The following CYP46A1 variants were observed in gnomAD, a reference collection of about 807,000 sequenced individuals.
The protein encoded by CYP46A1 is cytochrome P450 family 46 subfamily A member 1.
In CYP46A1, 20 loss-of-function variants were observed where a neutral mutation model predicts 63.3. That is an observed-to-expected ratio of 0.32 (90% CI 0.22 to 0.46). CYP46A1 has a LOEUF of 0.46. Ranked by LOEUF, CYP46A1 falls within the 20% of genes least tolerant of loss-of-function variation. CYP46A1 has a pLI of 1.00. For missense variants in CYP46A1, 445 were observed against 670.8 expected, an observed-to-expected ratio of 0.66 and a Z score of 3.72; for synonymous variants, 268 against 273.6, an observed-to-expected ratio of 0.98 and a Z score of 0.20.
At chr14:99,703,933 TA>T (rs1298453636) in intron 5 of CYP46A1, 1 of 964,854 alleles carries the variant, frequency 1.0e-6, no homozygotes, top group African/African-American at 1.8e-5. Context: ...AAGAAATACT[TA>T]TTGTGCCAAG....
chr14:99,701,064 GATA>G (rs1416461260), intron 5 of CYP46A1, among the ~76,000 whole-genome samples: 2 of 152,134 alleles, frequency 1.3e-5, no homozygotes, highest in South Asian at 2.1e-4. Context: ...ATACAAATAA[GATA>G]ATATTTTTGT....
At position 99,715,834 on chromosome 14, in the gene CYP46A1, C is replaced by T; in HGVS notation, c.718C>T (p.Leu240Phe). Residue 240 changes from leucine (L) to phenylalanine (F), a missense_variant, in exon 8 of 15, where the codon CTC becomes TTC. Around this residue, in one of 4 missense-constraint regions of CYP46A1, gnomAD observed 252 missense variants for 383.3 expected, o/e 0.66. Transcript: ENST00000261835. ...GTTCCTGCCAGGGAAGAGGAAGCAGCTCCGGGAGGTCCGGGAGAGCATTCG... is the reference window on the plus strand; with the variant it reads ...GTTCCTGCCAGGGAAGAGGAAGCAGTTCCGGGAGGTCCGGGAGAGCATTCG... ...AKFLPGKRKQ[L>F]REVRESIRFL... 1 of 1,614,134 alleles carries T rather than the reference C, an allele frequency of 6.2e-7. No homozygotes were observed. Among genetic ancestry groups the T allele is most frequent in the Non-Finnish European group, 8.5e-7 (1 of 1,179,998 alleles).
chr14:99,721,872 CA>C (rs1566836554), intron 11 of CYP46A1, 83 bp from the exon 12 acceptor site: 1 of 1,127,490 alleles, frequency 8.9e-7, no homozygotes, highest in Non-Finnish European at 1.3e-6. Context: ...GTGGGAAAGA[CA>C]GGGGTCCCAG....
intron 7 of CYP46A1, chr14:99,712,416 C>G (rs192188745): frequency 6.6e-6 from 1 of 152,198 alleles, no homozygotes; most frequent in African/African-American, 2.4e-5. Context: ...CCAAAAAACT[C>G]TTAGAACTGA....
intron 2 of CYP46A1, 145 bp downstream of exon 2, chr14:99,691,306 G>A: frequency 1.3e-6 from 1 of 762,052 alleles, no homozygotes; most frequent in Admixed American, 2.2e-5. Context: ...CCTGAGTGGA[G>A]GCAGGTGAGG....
chr14:99,699,429 G>A, intron 3 of CYP46A1, 37 bp from the exon 4 acceptor site: 2 of 1,583,754 alleles, frequency 1.3e-6, no homozygotes, highest in Non-Finnish European at 1.7e-6. Context: ...CTACTCATGG[G>A]TGCATGAGCC....
rs762579312 is a variant in CYP46A1 at position 99,726,208 on chromosome 14, C to A, written c.1284C>A (p.Phe428Leu). The A allele has an allele frequency of 6.2e-7, 1 of 1,613,944 alleles. No individual in the cohort carries two copies. The highest frequency in any genetic ancestry group is 1.1e-5 in the South Asian group (1 of 91,066). The change falls in exon 14 of 15, where the codon TTC becomes TTA. Residue 428 changes from phenylalanine to leucine, a missense_variant. Coordinates refer to ENST00000261835, the MANE Select transcript of CYP46A1 (RefSeq NM_006668.2). ...PGAPKPRFTY[F>L]PFSLGHRSCI... ...CCTGCAGGCCACGGTTCACCTACTT[C>A]CCCTTCTCCCTGGGCCACCGCTCCT...
rs1275661114 is a variant in CYP46A1, at chr14:99,684,323, GCGGCGCGCGGCGCTGACAGCTGAGT to G, written c.-90_-66del. ...GGGTCGCGCCTGGCCTGGGGCCGAG[GCGGCGCGCGGCGCTGACAGCTGAGT>G]CGGCTCGCGGCCTCCCGGCCCCCTC... On this transcript the variant is annotated 5_prime_UTR_variant, in exon 1 of 15. Coordinates refer to ENST00000261835, the MANE Select transcript of CYP46A1 (RefSeq NM_006668.2). The G allele has an allele frequency of 2.8e-5, 19 of 675,586 alleles. No homozygotes were observed. The highest frequency in any genetic ancestry group is 9.1e-5 in the East Asian group (2 of 21,862). The allele number at this position is 675,586 out of a possible 1,614,324, so 41.8% of individuals were successfully genotyped here. A position where few individuals can be genotyped will look rare whatever the true frequency, so the allele number is the denominator to read the frequency against.
intron 12 of CYP46A1, chr14:99,723,014 T>A: frequency 7.4e-6 from 3 of 407,572 alleles, no homozygotes; most frequent in South Asian, 5.1e-5. Context: ...CCAACTTGGA[T>A]GCCCAGTAGT....
chr14:99,690,245 A>G (rs1416081942), intron 1 of CYP46A1, among the ~76,000 whole-genome samples: 1 of 152,240 alleles, frequency 6.6e-6, no homozygotes, highest in Admixed American at 6.5e-5. Flanking sequence ...CTTGAGCAGT[A>G]GGACATAAAT....
intron 12 of CYP46A1, among the ~76,000 whole-genome samples, chr14:99,724,659 C>G (rs1267791740): frequency 6.6e-6 from 1 of 152,322 alleles, no homozygotes; most frequent in Non-Finnish European, 1.5e-5. Flanking sequence ...TGACGTACAT[C>G]ATGTGTCTGG....
At position 99,718,144 on chromosome 14, in the gene CYP46A1, G is replaced by C; in HGVS notation, c.980+18G>C. 6.2e-7 allele frequency: 1 copy of C among 1,611,584 alleles called. No homozygotes were observed. Among genetic ancestry groups the C allele is most frequent in the Non-Finnish European group, 8.5e-7 (1 of 1,177,968 alleles). On this transcript the variant is annotated intron_variant, in intron 10 of 14. Coordinates refer to ENST00000261835, the MANE Select transcript of CYP46A1 (RefSeq NM_006668.2). The stretch of plus-strand genomic sequence containing the variant: ...GTGGCAAGGTATGGGGGCTGCTCTT[G>C]GGGCTGGCAAAGAGGTCTGTCTGAT...
intron 3 of CYP46A1, among the ~76,000 whole-genome samples, chr14:99,697,240 A>G (rs542100421): frequency 2.4e-4 from 37 of 152,310 alleles, no homozygotes; most frequent in African/African-American, 8.7e-4. Context: ...CTTTCCATGC[A>G]TAGCTTCTCC....
chr14:99,698,638 CTT>C lies in CYP46A1; in HGVS notation c.283-827_283-826del, dbSNP rs111605670. ...ACAACAAACTTGCCAGGCAGGAACT[CTT>C]ATATCCATCTAAGATGAGGAAACTG... On this transcript the variant is annotated intron_variant, in intron 3 of 14. Transcript: ENST00000261835. Among the ~76,000 whole-genome samples the C allele has an allele frequency of 6.7e-3, 1,015 of 152,258 alleles. 10 individuals are homozygous for C. The highest frequency in any genetic ancestry group is 0.023 in the African/African-American group (952 of 41,532).
Position 99,706,772 on chromosome 14 carries a change from A to G in CYP46A1, c.569A>G (p.Asp190Gly). 1 of 1,612,918 alleles carries G rather than the reference A, an allele frequency of 6.2e-7. No homozygotes were observed. The highest frequency in any genetic ancestry group is 2.2e-5 in the East Asian group (1 of 44,878). The change falls in exon 6 of 15, where the codon GAC becomes GGC. Residue 190 changes from aspartate to glycine, a missense_variant. This residue lies in a region of CYP46A1 where 252 missense variants were observed against 383.3 expected (regional missense o/e 0.66). Coordinates refer to ENST00000261835, the MANE Select transcript of CYP46A1 (RefSeq NM_006668.2). The stretch of plus-strand genomic sequence containing the variant: ...GACATGCTGACCTACACCGCCATGG[A>G]CATCCTGGCCAAGGTGATGGGTGAC... ...MQDMLTYTAM[D>G]ILAKAAFGME...
chr14:99,714,803 A>G (rs2140133490), intron 7 of CYP46A1, among the ~76,000 whole-genome samples: 1 of 152,148 alleles, frequency 6.6e-6, no homozygotes. Flanking sequence ...GTATATACAC[A>G]TGGAATGCTA....
intron 3 of CYP46A1, among the ~76,000 whole-genome samples, chr14:99,698,684 T>C (rs142945847): frequency 6.6e-6 from 1 of 152,262 alleles, no homozygotes; most frequent in East Asian, 1.9e-4. Flanking sequence ...AGGAGGTGAG[T>C]AACTCATCCA....
At chr14:99,710,961 C>A (rs893364536) in intron 7 of CYP46A1, 6 of 152,020 alleles carry the variant, frequency 3.9e-5, no homozygotes, top group African/African-American at 1.4e-4. Flanking sequence ...CAAGTATCTT[C>A]TCAGACCACA....
chr14:99,715,644 C>T (rs532890796), intron 7 of CYP46A1, among the ~76,000 whole-genome samples, 166 bp from the exon 8 acceptor site: 13 of 152,342 alleles, frequency 8.5e-5, no homozygotes, highest in African/African-American at 2.9e-4. Context: ...CTCAGTCTGC[C>T]ATCTTGATCC....
Sources: allele counts gnomAD v4.1 joint callset (sites outside exome capture counted in the v4.1 genomes callset), GRCh38; gene constraint gnomAD v4.1.1; regional missense constraint gnomAD v4.1.1; transcripts MANE v1.5; gene names NCBI Gene and HGNC (gene_info 2026-07-23, HGNC 2026-07-21).